PDGFD: variants seen among roughly 807,000 people sequenced by gnomAD.
PDGFD encodes the protein platelet-derived growth factor D.
In PDGFD, 30 loss-of-function variants were observed where a neutral mutation model predicts 44.7. That is an observed-to-expected ratio of 0.67 (90% CI 0.50 to 0.91). The LOEUF is 0.91. Ranked by LOEUF, PDGFD falls within the 40% of genes least tolerant of loss-of-function variation. The probability of loss-of-function intolerance (pLI) is 0.00; values close to 1 mark genes in which losing one functional copy is unlikely to be tolerated. For synonymous variants in PDGFD, 173 were observed against 168.4 expected (o/e 1.03, Z -0.21); for missense variants, 445 against 457.8 (o/e 0.97, Z 0.25).
At chr11:103,950,123 C>T (rs556505537) in intron 3 of PDGFD, among the ~76,000 whole-genome samples, 4 of 152,016 alleles carry the variant, frequency 2.6e-5, no homozygotes, top group Non-Finnish European at 4.4e-5. Context: ...TGGGAAGTAT[C>T]AACACAAAAA....
intron 3 of PDGFD, among the ~76,000 whole-genome samples, chr11:103,950,784 A>C (rs1229665325): frequency 6.6e-6 from 1 of 152,148 alleles, no homozygotes; most frequent in Non-Finnish European, 1.5e-5. Context: ...CCAAAAGGGG[A>C]ATCAACAGAG....
At chr11:104,141,747 G>A (rs566389955) in intron 1 of PDGFD, among the ~76,000 whole-genome samples, 37 of 152,184 alleles carry the variant, frequency 2.4e-4, no homozygotes, top group Admixed American at 4.6e-4. Context: ...ATGTGACCAT[G>A]AAGGCAGAAA....
chr11:104,132,879 T>C (rs368158992), intron 1 of PDGFD, among the ~76,000 whole-genome samples: 1 of 152,168 alleles, frequency 6.6e-6, no homozygotes, highest in South Asian at 2.1e-4. Context: ...AAATATATTG[T>C]GCAGTGACTG....
In PDGFD at chr11:104,157,357, GA is replaced by G. The variant is rs373555011; in HGVS notation, c.124+6446del. 9.3e-4 allele frequency among the ~76,000 whole-genome samples: 141 copies of G among 152,300 alleles called. 1 individual carries two copies. In the East Asian group the frequency reaches 0.022, roughly 24 times the overall value. ...CCCTGATCACAGCCTCGGCCTTGCG[GA>G]CTATTCAGGAACACTCCACCCAGCA... On this transcript the variant is annotated intron_variant, in intron 1 of 6. Coordinates refer to ENST00000393158, the MANE Select transcript of PDGFD (RefSeq NM_025208.5).
At chr11:104,161,945 A>AAGAGAG (rs111479124) in intron 1 of PDGFD, among the ~76,000 whole-genome samples, 4,430 of 137,786 alleles carry the variant, frequency 0.032, 169 homozygotes, top group African/African-American at 0.094. Flanking sequence ...GAACTAATCA[A>AAGAGAG]AGAGAGTGTG....
intron 1 of PDGFD, among the ~76,000 whole-genome samples, chr11:104,020,859 A>G (rs2134382015): frequency 6.6e-6 from 1 of 152,236 alleles, no homozygotes; most frequent in East Asian, 1.9e-4. Flanking sequence ...AATGTGTATA[A>G]TCTATAGTTA....
At chr11:104,128,970 A>G (rs1861878674) in intron 1 of PDGFD, among the ~76,000 whole-genome samples, 1 of 152,202 alleles carries the variant, frequency 6.6e-6, no homozygotes, top group Admixed American at 6.5e-5. Context: ...CAAACTCCGT[A>G]CATCCAGTGA....
chr11:103,980,009 T>G (rs1859243166), intron 3 of PDGFD, among the ~76,000 whole-genome samples: 1 of 152,134 alleles, frequency 6.6e-6, no homozygotes. Flanking sequence ...AGTTAAGACT[T>G]TGTATGCGTA....
chr11:104,148,683 C>A (rs1862199359), intron 1 of PDGFD, among the ~76,000 whole-genome samples: 1 of 152,082 alleles, frequency 6.6e-6, no homozygotes, highest in African/African-American at 2.4e-5. Flanking sequence ...CAGATTATTT[C>A]ATTACCTACG....
chr11:104,095,032 T>C (rs1406545013), intron 1 of PDGFD, among the ~76,000 whole-genome samples: 2 of 152,088 alleles, frequency 1.3e-5, no homozygotes, highest in African/African-American at 2.4e-5. Context: ...CCTAAACTTT[T>C]TTTTCCTGGT....
intron 1 of PDGFD, among the ~76,000 whole-genome samples, chr11:104,098,104 C>G (rs1780237877): frequency 6.6e-6 from 1 of 152,144 alleles, no homozygotes; most frequent in Non-Finnish European, 1.5e-5. Flanking sequence ...GAGATGGGTT[C>G]TCAACTTCTA....
intron 1 of PDGFD, among the ~76,000 whole-genome samples, chr11:104,055,469 A>G (rs927271034): frequency 1.3e-5 from 2 of 152,246 alleles, no homozygotes; most frequent in Non-Finnish European, 2.9e-5. Flanking sequence ...CAGGAATGGA[A>G]AGAATACATT....
chr11:104,029,453 G>T (rs752089032), intron 1 of PDGFD, among the ~76,000 whole-genome samples: 2 of 152,144 alleles, frequency 1.3e-5, no homozygotes, highest in Non-Finnish European at 2.9e-5. Context: ...CTGCTGTTTA[G>T]AATAGAGAAA....
chr11:103,979,079 T>C (rs1476828222), intron 3 of PDGFD, among the ~76,000 whole-genome samples: 3 of 152,066 alleles, frequency 2.0e-5, no homozygotes, highest in Non-Finnish European at 2.9e-5. Flanking sequence ...GTTCTGGACA[T>C]GTATGTTTAA....
At chr11:104,156,251 AG>A (rs1862306368) in intron 1 of PDGFD, among the ~76,000 whole-genome samples, 1 of 152,144 alleles carries the variant, frequency 6.6e-6, no homozygotes, top group Non-Finnish European at 1.5e-5. Flanking sequence ...TACTTGTGGA[AG>A]GGTGAGGTGG....
intron 1 of PDGFD, among the ~76,000 whole-genome samples, chr11:104,020,478 A>G (rs1342652339): frequency 1.3e-5 from 2 of 152,152 alleles, no homozygotes; most frequent in Non-Finnish European, 2.9e-5. Context: ...GACAAACCAT[A>G]TAAATATCAA....
chr11:104,068,932 A>T (rs1860833639), intron 1 of PDGFD, among the ~76,000 whole-genome samples: 1 of 152,204 alleles, frequency 6.6e-6, no homozygotes, highest in African/African-American at 2.4e-5. Flanking sequence ...ATTTTCTAAA[A>T]GCAAGCAATT....
chr11:104,098,440 T>C lies in PDGFD; in HGVS notation c.124+65364A>G, dbSNP rs533989446. On this transcript the variant is annotated intron_variant, in intron 1 of 6. Transcript: ENST00000393158. The stretch of plus-strand genomic sequence containing the variant: ...AGTTGCTCCCATAAGAAGTATTTGC[T>C]AATCCAAAGCAGGCTAAGAGGTTTC... Among the ~76,000 whole-genome samples, 6 of 152,120 alleles carry C rather than the reference T, an allele frequency of 3.9e-5. No homozygotes were observed. In the East Asian group the frequency reaches 1.2e-3, roughly 29 times the overall value.
At chr11:104,025,889 C>T (rs1591126390) in intron 1 of PDGFD, among the ~76,000 whole-genome samples, 1 of 152,174 alleles carries the variant, frequency 6.6e-6, no homozygotes, top group Non-Finnish European at 1.5e-5. Flanking sequence ...TCTTTCTAAA[C>T]CTGCTGTCCT....
Sources: allele counts gnomAD v4.1 joint callset (sites outside exome capture counted in the v4.1 genomes callset), GRCh38; gene constraint gnomAD v4.1.1; transcripts MANE v1.5; gene names NCBI Gene and HGNC (gene_info 2026-07-23, HGNC 2026-07-21).